The following DLGAP2 variants were observed in gnomAD, a reference collection of about 807,000 sequenced individuals.
The protein encoded by DLGAP2 is disks large-associated protein 2.
In DLGAP2, 26 loss-of-function variants were observed where a neutral mutation model predicts 100.3. The observed-to-expected ratio is 0.26, with a 90% confidence interval of 0.19 to 0.36. The LOEUF (loss-of-function observed/expected upper bound fraction) is 0.36. Ranked by LOEUF, DLGAP2 falls within the 10% of genes least tolerant of loss-of-function variation. The pLI, the probability that DLGAP2 is intolerant of heterozygous loss-of-function variation, is 1.00. For synonymous variants in DLGAP2, 886 were observed against 630.1 expected (o/e 1.41, Z -6.08); for missense variants, 1,858 against 1,453.2 (o/e 1.28, Z -4.53).
At chr8:1,309,953 G>A (rs1800576650) in intron 3 of DLGAP2, among the ~76,000 whole-genome samples, 1 of 151,916 alleles carries the variant, frequency 6.6e-6, no homozygotes. Context: ...AAATTAGCCA[G>A]GTGTGGTGTT....
At chr8:1,338,853 C>G (rs1266378917) in intron 3 of DLGAP2, among the ~76,000 whole-genome samples, 15 of 81,808 alleles carry the variant, frequency 1.8e-4, no homozygotes, top group African/African-American at 9.7e-4. Context: ...GCAGGGAATG[C>G]AGTGACTTCA....
At chr8:1,122,910 G>C (rs986101790) in intron 2 of DLGAP2, among the ~76,000 whole-genome samples, 2 of 152,170 alleles carry the variant, frequency 1.3e-5, no homozygotes, top group Admixed American at 6.5e-5. Context: ...GCTCTGGGAA[G>C]AGTGTGATAC....
rs114950206 is a variant in DLGAP2 at position 1,614,961 on chromosome 8, T to C, written c.1443-11779T>C. Among the ~76,000 whole-genome samples the C allele has an allele frequency of 2.9e-3, 444 of 152,360 alleles. 2 individuals carry two copies. Among genetic ancestry groups the C allele is most frequent in the African/African-American group, 0.01 (425 of 41,600 alleles). ...GAAAGGCGCCGCGCTCACTCGCGGC[T>C]GCCCATGGTCCTGTGAGTTCCCTCT... On this transcript the variant is annotated intron_variant, in intron 6 of 14. Coordinates refer to ENST00000637795, the MANE Select transcript of DLGAP2 (RefSeq NM_001346810.2).
intron 3 of DLGAP2, among the ~76,000 whole-genome samples, chr8:1,260,978 A>C (rs899753891): frequency 1.3e-5 from 2 of 152,178 alleles, no homozygotes; most frequent in African/African-American, 2.4e-5. Flanking sequence ...CCTCCATATC[A>C]CACATACTGT....
chr8:1,423,229 G>T (rs780179303), intron 3 of DLGAP2, among the ~76,000 whole-genome samples: 2 of 152,064 alleles, frequency 1.3e-5, no homozygotes, highest in Non-Finnish European at 2.9e-5. Flanking sequence ...TGTAAACACA[G>T]GTGTGTAGAG....
intron 2 of DLGAP2, among the ~76,000 whole-genome samples, chr8:1,222,614 G>A (rs967346701): frequency 2.0e-5 from 3 of 152,020 alleles, no homozygotes; most frequent in African/African-American, 7.3e-5. Context: ...ATGCTGGCGG[G>A]GGAAGGCTGC....
chr8:1,459,511 C>T (rs576411321), intron 3 of DLGAP2, among the ~76,000 whole-genome samples: 15 of 152,156 alleles, frequency 9.9e-5, no homozygotes, highest in Non-Finnish European at 2.2e-4. Flanking sequence ...GTCAGGAAAA[C>T]TTTAAATGGG....
intron 3 of DLGAP2, among the ~76,000 whole-genome samples, chr8:1,416,357 C>G (rs1012464517): frequency 3.3e-5 from 5 of 152,206 alleles, no homozygotes; most frequent in Non-Finnish European, 4.4e-5. Context: ...TCAGACGTGC[C>G]TGGTCACTTG....
intron 1 of DLGAP2, among the ~76,000 whole-genome samples, chr8:767,380 T>G (rs1821242696): frequency 6.7e-6 from 1 of 150,360 alleles, no homozygotes; most frequent in African/African-American, 2.5e-5. Flanking sequence ...AGACAGAGTT[T>G]CGGTCTGTCG....
In DLGAP2 at chr8:1,193,832, C is replaced by T. The variant is rs368879362; in HGVS notation, c.74-65019C>T. Among the ~76,000 whole-genome samples, 35 of 152,188 alleles carry T rather than the reference C, an allele frequency of 2.3e-4. 1 individual carries two copies. The highest frequency in any genetic ancestry group is 5.8e-4 in the African/African-American group (24 of 41,538). ...GCACCTGAGACCCCCAGACAGCATC[C>T]GGGTGGGGCAGATCCCAGCGTCGGC... On this transcript the variant is annotated intron_variant, in intron 2 of 14. Transcript: ENST00000637795.
chr8:958,389 C>T (rs1442033880), intron 2 of DLGAP2, among the ~76,000 whole-genome samples: 2 of 152,090 alleles, frequency 1.3e-5, no homozygotes, highest in Non-Finnish European at 2.9e-5. Context: ...TCCCAGTCTT[C>T]CCCTCCGTTG....
At chr8:1,417,323 G>C (rs1022167826) in intron 3 of DLGAP2, among the ~76,000 whole-genome samples, 3 of 151,808 alleles carry the variant, frequency 2.0e-5, no homozygotes, top group African/African-American at 2.4e-5. Flanking sequence ...GCCCAGGTTC[G>C]ACAGCATCTC....
intron 4 of DLGAP2, among the ~76,000 whole-genome samples, chr8:1,507,944 C>G (rs1318046314): frequency 6.6e-6 from 1 of 151,188 alleles, no homozygotes; most frequent in East Asian, 2.0e-4. Flanking sequence ...AAGGCTCCTT[C>G]CCCACTGTGA....
At chr8:1,042,097 C>A (rs963188827) in intron 2 of DLGAP2, among the ~76,000 whole-genome samples, 15 of 152,204 alleles carry the variant, frequency 9.9e-5, no homozygotes, top group African/African-American at 3.6e-4. Flanking sequence ...CAAACCCCAA[C>A]ACAGACAGGC....
chr8:1,431,284 T>C (rs552405134), intron 3 of DLGAP2, among the ~76,000 whole-genome samples: 29 of 152,372 alleles, frequency 1.9e-4, no homozygotes, highest in African/African-American at 5.5e-4. Flanking sequence ...TGTTTTGTAA[T>C]GTTTTTAAAG....
chr8:1,119,396 G>A (rs1225916550), intron 2 of DLGAP2, among the ~76,000 whole-genome samples: 2 of 152,224 alleles, frequency 1.3e-5, no homozygotes, highest in African/African-American at 4.8e-5. Context: ...TGCATCTACT[G>A]CAGTGCGTCA....
chr8:917,070 G>C lies in DLGAP2; in HGVS notation c.73+9104G>C, dbSNP rs538484362. Among the ~76,000 whole-genome samples, 299 of 152,348 alleles carry C rather than the reference G, an allele frequency of 2.0e-3. 2 individuals carry two copies. The highest frequency in any genetic ancestry group is 1.1e-3 in the Non-Finnish European group (77 of 68,024). ...TGGAGCCACTGCTTTTTCATAGCTT[G>C]TCCTGCTTCAAAGTAAAACACCAGT... On this transcript the variant is annotated intron_variant, in intron 2 of 14. Transcript: ENST00000637795.
chr8:1,119,834 A>C (rs1190166050), intron 2 of DLGAP2, among the ~76,000 whole-genome samples: 7 of 152,232 alleles, frequency 4.6e-5, no homozygotes. Flanking sequence ...AGTGGTTGGC[A>C]CCATGATTTT....
At chr8:1,548,458 GAAAAA>G (rs773138776) in intron 4 of DLGAP2, among the ~76,000 whole-genome samples, 163 bp from the exon 5 acceptor site, 33 of 41,580 alleles carry the variant, frequency 7.9e-4, no homozygotes, top group African/African-American at 1.5e-3. Flanking sequence ...GACTGTCTCA[GAAAAA>G]AAAAAAAAAA....
Sources: gnomAD v4.1 joint callset for allele counts (sites outside exome capture counted in the v4.1 genomes callset) on GRCh38, gnomAD v4.1.1 for gene constraint, MANE v1.5 for transcripts, NCBI Gene and HGNC (gene_info 2026-07-23, HGNC 2026-07-21) for gene names.